PTPRT: variants seen among roughly 807,000 people sequenced by gnomAD.
PTPRT encodes the protein protein tyrosine phosphatase receptor type T.
In PTPRT, 56 loss-of-function variants were observed where a neutral mutation model predicts 176.8. The observed-to-expected ratio is 0.32, with a 90% confidence interval of 0.26 to 0.40. PTPRT has a LOEUF of 0.40. Among genes scored for constraint, PTPRT ranks in the 10% least tolerant of loss-of-function variants. The pLI is 1.00. For missense variants in PTPRT, 1,540 were observed against 1,908.2 expected (o/e 0.81, Z 3.60); for synonymous variants, 783 against 739.0 (o/e 1.06, Z -0.96).
chr20:42,468,620 CT>C lies in PTPRT; in HGVS notation c.1450+3645del, dbSNP rs200169169. Among the ~76,000 whole-genome samples the C allele has an allele frequency of 8.0e-3, 1,220 of 151,978 alleles. 11 individuals are homozygous for C. The highest frequency in any genetic ancestry group is 0.014 in the Middle Eastern group (4 of 294). ...TGCTCTCATGTTGTTTTGATAAAGG[CT>C]TTTTTTTCTTGGTGACAGGAAGAAG... On this transcript the variant is annotated intron_variant, in intron 8 of 30. Coordinates refer to ENST00000373187, the MANE Select transcript of PTPRT (RefSeq NM_007050.6).
chr20:42,788,903 G>C (rs1283811112), intron 3 of PTPRT, among the ~76,000 whole-genome samples: 1 of 152,198 alleles, frequency 6.6e-6, no homozygotes, highest in Non-Finnish European at 1.5e-5. Context: ...AAGTGGTTAA[G>C]AATTATGATC....
chr20:42,716,571 A>C (rs951625722), intron 6 of PTPRT, among the ~76,000 whole-genome samples: 3 of 152,132 alleles, frequency 2.0e-5, no homozygotes, highest in African/African-American at 4.8e-5. Context: ...GCCTGTTCAT[A>C]TCCTTCACCC....
chr20:42,193,549 T>C (rs1430061981), intron 16 of PTPRT, among the ~76,000 whole-genome samples: 1 of 152,248 alleles, frequency 6.6e-6, no homozygotes, highest in Non-Finnish European at 1.5e-5. Flanking sequence ...TCTTTCTTCA[T>C]TGTGTGACTT....
chr20:42,591,850 T>G (rs961603665), intron 7 of PTPRT, among the ~76,000 whole-genome samples: 4 of 152,024 alleles, frequency 2.6e-5, no homozygotes, highest in African/African-American at 9.7e-5. Flanking sequence ...AGAAACCAGT[T>G]GAGCATTTAA....
chr20:42,228,639 A>G (rs1213152451), intron 15 of PTPRT, among the ~76,000 whole-genome samples: 2 of 152,384 alleles, frequency 1.3e-5, no homozygotes, highest in Admixed American at 6.5e-5. Context: ...GTGAACATGG[A>G]TATTAACTAA....
chr20:42,490,777 G>A (rs912493793), intron 7 of PTPRT, among the ~76,000 whole-genome samples: 1 of 152,124 alleles, frequency 6.6e-6, no homozygotes, highest in African/African-American at 2.4e-5. Flanking sequence ...AAAAAGGAAT[G>A]CACCTGCATT....
At chr20:42,754,992 G>A (rs2145399575) in intron 6 of PTPRT, among the ~76,000 whole-genome samples, 1 of 152,200 alleles carries the variant, frequency 6.6e-6, no homozygotes, top group East Asian at 1.9e-4. Context: ...ATCCTAAAAG[G>A]GGAGACAAAA....
chr20:43,063,405 TG>T (rs1600684901), intron 1 of PTPRT: 1 of 152,602 alleles, frequency 6.6e-6, no homozygotes, highest in African/African-American at 2.4e-5. Flanking sequence ...GCTGGCTAGG[TG>T]GGTGTCCCCT....
At chr20:42,113,123 T>C (rs933005417) in intron 22 of PTPRT, among the ~76,000 whole-genome samples, 42 of 152,212 alleles carry the variant, frequency 2.8e-4, no homozygotes, top group African/African-American at 8.9e-4. Context: ...AGTGCCTGCC[T>C]GCATGCTGTG....
chr20:42,050,747 C>T, the PTPRT span, among the ~76,000 whole-genome samples: 2 of 152,230 alleles, frequency 1.3e-5, no homozygotes, highest in African/African-American at 2.4e-5. Context: ...TCCTGAATCA[C>T]GGAGGCGGGT....
At chr20:42,398,571 A>G (rs916078894) in intron 9 of PTPRT, among the ~76,000 whole-genome samples, 1 of 152,220 alleles carries the variant, frequency 6.6e-6, no homozygotes, top group Admixed American at 6.5e-5. Context: ...CATGTATATC[A>G]GAATTCAAAT....
intron 1 of PTPRT, among the ~76,000 whole-genome samples, chr20:42,948,809 C>T (rs1426720939): frequency 6.6e-6 from 1 of 152,124 alleles, no homozygotes; most frequent in Non-Finnish European, 1.5e-5. Flanking sequence ...ACCAACAACC[C>T]CAGCTAGAGC....
chr20:43,151,787 CG>C (rs2014363703), intron 1 of PTPRT, among the ~76,000 whole-genome samples: 1 of 151,746 alleles, frequency 6.6e-6, no homozygotes, highest in African/African-American at 2.4e-5. Flanking sequence ...CACTTGAACC[CG>C]GGAGGCAGAG....
chr20:42,786,225 G>C (rs1047853138), intron 3 of PTPRT, among the ~76,000 whole-genome samples: 1 of 152,146 alleles, frequency 6.6e-6, no homozygotes, highest in Non-Finnish European at 1.5e-5. Context: ...GTCTTGGGAA[G>C]TTCTTTATAG....
chr20:42,717,118 A>T (rs1342641379), intron 6 of PTPRT, among the ~76,000 whole-genome samples: 1 of 151,954 alleles, frequency 6.6e-6, no homozygotes, highest in African/African-American at 2.4e-5. Context: ...GCACACCAAC[A>T]TGGCACATGT....
At chr20:42,832,499 T>C (rs1481545754) in intron 2 of PTPRT, among the ~76,000 whole-genome samples, 1 of 151,146 alleles carries the variant, frequency 6.6e-6, no homozygotes. Flanking sequence ...CTCCTGAAAC[T>C]AAAAGCTAAA....
chr20:42,958,089 A>G (rs1175845937), intron 1 of PTPRT, among the ~76,000 whole-genome samples: 2 of 146,946 alleles, frequency 1.4e-5, no homozygotes, highest in Admixed American at 1.4e-4. Flanking sequence ...CATGCAAATG[A>G]CATAGCATGC....
At chr20:43,000,369 A>G (rs1026263954) in intron 1 of PTPRT, among the ~76,000 whole-genome samples, 1 of 152,320 alleles carries the variant, frequency 6.6e-6, no homozygotes, top group Non-Finnish European at 1.5e-5. Context: ...AAAAAGGCAG[A>G]AGGGAGAATC....
intron 2 of PTPRT, among the ~76,000 whole-genome samples, chr20:42,854,392 T>G (rs2078527506): frequency 6.6e-6 from 1 of 152,162 alleles, no homozygotes; most frequent in African/African-American, 2.4e-5. Context: ...GGAAAGAAAC[T>G]AGGGAGGTAC....
Sources: allele counts gnomAD v4.1 joint callset (sites outside exome capture counted in the v4.1 genomes callset), GRCh38; gene constraint gnomAD v4.1.1; transcripts MANE v1.5; gene names NCBI Gene and HGNC (gene_info 2026-07-23, HGNC 2026-07-21).